SNUPN: variants seen among roughly 807,000 people sequenced by gnomAD.
SNUPN encodes snurportin 1.
In SNUPN, 31 loss-of-function variants were observed where a neutral mutation model predicts 39.2. The ratio of observed to expected loss-of-function variants is 0.79; its 90% CI spans 0.59 to 1.07. The LOEUF is 1.07. Ranked by LOEUF, SNUPN falls within the 50% of genes least tolerant of loss-of-function variation. The pLI, the probability that SNUPN is intolerant of heterozygous loss-of-function variation, is 0.00. For missense variants in SNUPN, 382 were observed against 434.2 expected (o/e 0.88, Z 1.07); for synonymous variants, 132 against 159.0 (o/e 0.83, Z 1.28).
chr15:75,624,073 G>A (rs1364632871), intron 1 of SNUPN, among the ~76,000 whole-genome samples: 2 of 147,710 alleles, frequency 1.4e-5, no homozygotes, highest in African/African-American at 4.9e-5. Flanking sequence ...GACTACAGGC[G>A]CCCGCCACTA....
chr15:75,611,499 G>T lies in SNUPN; in HGVS notation c.304-1505C>A, dbSNP rs932476699. Among the ~76,000 whole-genome samples the T allele has an allele frequency of 4.7e-4, 71 of 151,354 alleles. 1 individual carries two copies. The highest frequency in any genetic ancestry group is 1.6e-4 in the Non-Finnish European group (11 of 67,820). On this transcript the variant is annotated intron_variant, in intron 3 of 8. Transcript: ENST00000308588. Reference sequence around the variant, plus strand: ...GATCTCCTGACCTCGTGATCCGCCCGCCTCGGCCCCCCAAAGTGCTGGGAT... The same window carrying T: ...GATCTCCTGACCTCGTGATCCGCCCTCCTCGGCCCCCCAAAGTGCTGGGAT...
At chr15:75,612,880 A>G (rs1456856138) in intron 3 of SNUPN, among the ~76,000 whole-genome samples, 1 of 152,278 alleles carries the variant, frequency 6.6e-6, no homozygotes, top group East Asian at 1.9e-4. Flanking sequence ...GCTGCCAACA[A>G]TATCACCAAG....
rs1481520366 is a variant in SNUPN, at chr15:75,598,606, G to T, written c.835C>A (p.Pro279Thr). The T allele has an allele frequency of 6.2e-7, 1 of 1,614,008 alleles. No individual in the cohort carries two copies. The highest frequency in any genetic ancestry group is 8.5e-7 in the Non-Finnish European group (1 of 1,179,844). Residue 279 changes from proline to threonine, a missense_variant, in exon 9 of 9, where the codon CCC (proline) becomes ACC (threonine). Coordinates refer to ENST00000308588, the MANE Select transcript of SNUPN (RefSeq NM_005701.4). The stretch of plus-strand genomic sequence containing the variant: ...CCAAGGACATCTGACACCATGTAGG[G>T]GCGCAGCCAGCCCACCAAGGGAGTG... Reference protein sequence around the residue: ...GSTPLVGWLRPYMVSDVLGVA... With the variant: ...GSTPLVGWLRTYMVSDVLGVA...
At chr15:75,617,669 C>T (rs1892972124) in intron 2 of SNUPN, 117 bp from the exon 3 acceptor site, 3 of 1,139,186 alleles carry the variant, frequency 2.6e-6, no homozygotes, top group Non-Finnish European at 3.6e-6. Flanking sequence ...GCAGCCTCAA[C>T]CTCCTGGGCT....
chr15:75,619,628 C>A (rs1019849054), intron 2 of SNUPN, among the ~76,000 whole-genome samples: 18 of 151,998 alleles, frequency 1.2e-4, no homozygotes, highest in Admixed American at 1.1e-3. Flanking sequence ...CACAGTGACA[C>A]CCTGTCTAAA....
At chr15:75,616,350 C>T (rs1176704677) in intron 3 of SNUPN, among the ~76,000 whole-genome samples, 2 of 151,692 alleles carry the variant, frequency 1.3e-5, no homozygotes, top group Non-Finnish European at 2.9e-5. Flanking sequence ...CCCAGCTACT[C>T]GGGAGGCTGA....
chr15:75,622,353 C>T, intron 1 of SNUPN: 2 of 985,320 alleles, frequency 2.0e-6, no homozygotes, highest in Non-Finnish European at 2.4e-6. Flanking sequence ...TGGAAAAGAG[C>T]TAGGATGTGG....
At chr15:75,623,883 T>C (rs948795181) in intron 1 of SNUPN, among the ~76,000 whole-genome samples, 1 of 152,122 alleles carries the variant, frequency 6.6e-6, no homozygotes, top group Non-Finnish European at 1.5e-5. Flanking sequence ...TTGTCTCTAC[T>C]TTTCTGTACT....
intron 8 of SNUPN, among the ~76,000 whole-genome samples, chr15:75,599,453 C>A (rs1264314139): frequency 6.6e-6 from 1 of 152,224 alleles, no homozygotes; most frequent in African/African-American, 2.4e-5. Flanking sequence ...AGCAGAGGAA[C>A]TGGACAGGCC....
At chr15:75,612,135 C>T (rs1415944233) in intron 3 of SNUPN, among the ~76,000 whole-genome samples, 2 of 151,374 alleles carry the variant, frequency 1.3e-5, no homozygotes, top group East Asian at 1.9e-4. Context: ...CGGGTTCAAG[C>T]GATCCTCCCA....
At chr15:75,599,278 T>C (rs1009132105) in intron 8 of SNUPN, among the ~76,000 whole-genome samples, 1 of 152,220 alleles carries the variant, frequency 6.6e-6, no homozygotes, top group East Asian at 1.9e-4. Context: ...GTCTGAGAGA[T>C]GGGGCTGCTC....
intron 5 of SNUPN, among the ~76,000 whole-genome samples, chr15:75,608,058 C>CA (rs1892678014): frequency 6.6e-6 from 1 of 152,070 alleles, no homozygotes; most frequent in African/African-American, 2.4e-5. Context: ...ACAAAGCCTG[C>CA]ATGTGAAAGG....
At position 75,598,519 on chromosome 15, in the gene SNUPN, G is replaced by A. The variant is rs1347586850; in HGVS notation, c.922C>T (p.Gln308Ter). The A allele has an allele frequency of 9.9e-6, 16 of 1,614,166 alleles. No homozygotes were observed. The highest frequency in any genetic ancestry group is 1.0e-5 in the Non-Finnish European group (12 of 1,180,042). Residue 308 changes from glutamine (Q) to a stop codon, truncating the protein, a stop_gained, in exon 9 of 9, where the codon CAG (glutamine) becomes TAG (stop). Coordinates refer to ENST00000308588, the MANE Select transcript of SNUPN (RefSeq NM_005701.4). LOFTEE classifies it low-confidence loss of function (END_TRUNC). ...TGGCTCTTCTTGTGCTCCATAATCT[G>A]CTGGAGCTGGTGCCCAGCATAGTCT... is the stretch of plus-strand genomic sequence containing the variant. ...KPDYAGHQLQ[Q>*]IMEHKKSQKE...
chr15:75,619,432 A>ATAG (rs1330341730), intron 2 of SNUPN, among the ~76,000 whole-genome samples: 1 of 152,056 alleles, frequency 6.6e-6, no homozygotes, highest in Non-Finnish European at 1.5e-5. Context: ...AGTTGAGCCT[A>ATAG]GGAGTTCAAG....
chr15:75,611,748 G>A (rs528479833), intron 3 of SNUPN, among the ~76,000 whole-genome samples: 182 of 151,884 alleles, frequency 1.2e-3, no homozygotes, highest in Non-Finnish European at 2.1e-3. Flanking sequence ...CCAGCTACTC[G>A]GGAGGTTGAG....
chr15:75,625,180 A>C (rs897555538), intron 1 of SNUPN: 1 of 151,256 alleles, frequency 6.6e-6, no homozygotes, highest in Non-Finnish European at 1.5e-5. Flanking sequence ...CCAACTCCCT[A>C]AAGTCCGACC....
intron 3 of SNUPN, among the ~76,000 whole-genome samples, chr15:75,612,701 A>G (rs994081222): frequency 2.6e-5 from 4 of 152,140 alleles, no homozygotes; most frequent in Non-Finnish European, 1.5e-5. Context: ...GTATATCCAG[A>G]GTGGAATTAA....
chr15:75,606,214 A>G (rs2075330065), intron 6 of SNUPN, among the ~76,000 whole-genome samples: 1 of 152,242 alleles, frequency 6.6e-6, no homozygotes, highest in Admixed American at 6.5e-5. Flanking sequence ...TTAATGAGCT[A>G]ATGCAGAAAG....
At chr15:75,616,413 G>A (rs28656335) in intron 3 of SNUPN, among the ~76,000 whole-genome samples, 40,688 of 151,466 alleles carry the variant, frequency 0.27, 7,162 homozygotes, top group East Asian at 0.48. Context: ...AGCCACGATC[G>A]TACCACTGCA....
Sources: gnomAD v4.1 joint callset for allele counts (sites outside exome capture counted in the v4.1 genomes callset) on GRCh38, gnomAD v4.1.1 for gene constraint, MANE v1.5 for transcripts, NCBI Gene and HGNC (gene_info 2026-07-23, HGNC 2026-07-21) for gene names.